The following SI variants were observed in gnomAD, a reference collection of about 807,000 sequenced individuals.
SI encodes the protein sucrase-isomaltase.
In SI, 235 loss-of-function variants were observed where a neutral mutation model predicts 253.3. The observed-to-expected ratio is 0.93, with a 90% CI of 0.83 to 1.03. The LOEUF (loss-of-function observed/expected upper bound fraction) is 1.03. SI is among the 50% of genes least tolerant of loss of function. The pLI, the probability that SI is intolerant of heterozygous loss-of-function variation, is 0.00. For synonymous variants in SI, 819 were observed against 712.0 expected (o/e 1.15, Z -2.39); for missense variants, 2,442 against 2,211.1 (o/e 1.10, Z -2.09).
intron 33 of SI, 28 bp from the exon 34 acceptor site, chr3:165,013,070 G>A: frequency 2.1e-6 from 3 of 1,433,824 alleles, no homozygotes; most frequent in Non-Finnish European, 2.0e-6. Flanking sequence ...TGGAAAAGCT[G>A]ATCAAAACAT....
Position 164,994,351 on chromosome 3 carries a change from G to T in SI, c.4747C>A (p.Leu1583Ile). 2 of 1,610,884 alleles carry T rather than the reference G, an allele frequency of 1.2e-6. No homozygotes were observed. The highest frequency in any genetic ancestry group is 1.7e-6 in the Non-Finnish European group (2 of 1,177,700). ...GGCAATAAGGTGTATCTAATATTTAGAATATTCCTTGACATTTCAGCAAAA... is the reference window on the plus strand; with the variant it reads ...GGCAATAAGGTGTATCTAATATTTATAATATTCCTTGACATTTCAGCAAAA... ...ETFAEMSRNI[L>I]NIRYTLLPYF... Residue 1583 changes from leucine to isoleucine, a missense_variant, in exon 41 of 48, where the codon CTA becomes ATA. Transcript: ENST00000264382.
chr3:165,027,258 A>T (rs1330726853), intron 25 of SI, among the ~76,000 whole-genome samples: 3 of 151,230 alleles, frequency 2.0e-5, no homozygotes, highest in African/African-American at 7.3e-5. Context: ...TTAAATCGGG[A>T]AGAATTAGAT....
At chr3:165,029,613 T>A (rs1159772085) in intron 25 of SI, among the ~76,000 whole-genome samples, 1 of 145,638 alleles carries the variant, frequency 6.9e-6, no homozygotes, top group Non-Finnish European at 1.5e-5. Flanking sequence ...TATATATGTA[T>A]ATATATGTAA....
At chr3:165,035,661 G>A (rs922449715) in intron 22 of SI, among the ~76,000 whole-genome samples, 2 of 151,340 alleles carry the variant, frequency 1.3e-5, no homozygotes, top group African/African-American at 4.8e-5. Context: ...CACCTGAGAA[G>A]TAGTTAATTA....
intron 15 of SI, among the ~76,000 whole-genome samples, chr3:165,048,807 G>T (rs996286272): frequency 6.6e-6 from 1 of 151,806 alleles, no homozygotes; most frequent in Non-Finnish European, 1.5e-5. Context: ...AATAGAGACT[G>T]GGTTTCGCCA....
At chr3:165,040,069 T>C (rs911283039) in intron 18 of SI, 98 bp from the exon 19 acceptor site, 2 of 918,486 alleles carry the variant, frequency 2.2e-6, no homozygotes, top group African/African-American at 3.3e-5. Context: ...CTGGGAATTG[T>C]TGTTATCTTG....
At chr3:165,059,783 G>A in intron 10 of SI, 119 bp downstream of exon 10, 2 of 1,029,188 alleles carry the variant, frequency 1.9e-6, no homozygotes, top group Non-Finnish European at 1.5e-6. Flanking sequence ...TTAAAAGGCA[G>A]CCTCTTAATT....
intron 21 of SI, 58 bp from the exon 22 acceptor site, chr3:165,036,535 T>C: frequency 8.2e-7 from 1 of 1,214,184 alleles, no homozygotes; most frequent in Non-Finnish European, 1.2e-6. Flanking sequence ...TAATACAATA[T>C]CCTATAAACA....
At position 164,998,552 on chromosome 3, in the gene SI, T is replaced by C; in HGVS notation, c.4528A>G (p.Lys1510Glu). 1 of 1,612,100 alleles carries C rather than the reference T, an allele frequency of 6.2e-7. No individual in the cohort carries two copies. The highest frequency in any genetic ancestry group is 1.1e-5 in the South Asian group (1 of 91,056). Residue 1510 changes from lysine (K) to glutamate (E), a missense_variant, in exon 38 of 48, where the codon AAA becomes GAA. Transcript: ENST00000264382. ...GACTTTCACTTACCAATGATTGATT[T>C]GTCCATGTTGTCCCATCGTGCATAG... The part of the protein sequence containing the change: ...DNYARWDNMD[K>E]SIIGMMEFSL...
chr3:165,029,180 T>C (rs1046934633), intron 25 of SI, among the ~76,000 whole-genome samples: 1 of 150,776 alleles, frequency 6.6e-6, no homozygotes, highest in Non-Finnish European at 1.5e-5. Flanking sequence ...TATGAAAAAA[T>C]GATCAGCATC....
chr3:165,036,404 C>T lies in SI; in HGVS notation c.2500G>A (p.Asp834Asn). 1 of 1,609,482 alleles carries T rather than the reference C, an allele frequency of 6.2e-7. No homozygotes were observed. The highest frequency in any genetic ancestry group is 1.1e-5 in the South Asian group (1 of 91,020). Residue 834 changes from aspartate to asparagine, a missense_variant, in exon 22 of 48, where the codon GAT becomes AAT. Asp to Asn is a conservative substitution (Grantham distance 23). Transcript: ENST00000264382. ...NTAKGDFFWD[D>N]GETKDTIQNG... ...TCAGACTTACCTTTAGTTTCTCCAT[C>T]ATCCCAGAAAAAGTCTCCTTTGGCT...
chr3:165,032,660 TG>T lies in SI; in HGVS notation c.2597del (p.Ser866TyrfsTer8). On this transcript the variant is annotated frameshift_variant, in exon 24 of 48. Coordinates refer to ENST00000264382, the MANE Select transcript of SI (RefSeq NM_001041.4). LOFTEE classifies it high-confidence loss of function. Reference protein sequence around the residue: ...NTLDIVCTHSSYQEGTTLAFQ... With the variant: ...NTLDIVCTHSXYQEGTTLAFQ... ...ATGCTAAGGTAGTTCCTTCCTGATA[TG>T]ATGAATGTGTGCACACAATATCTAA... 6.2e-7 allele frequency: 1 copy of T among 1,606,772 alleles called. No individual in the cohort carries two copies. Among genetic ancestry groups the T allele is most frequent in the Non-Finnish European group, 8.5e-7 (1 of 1,174,742 alleles).
chr3:165,076,496 TCA>T (rs1249222197), intron 1 of SI, among the ~76,000 whole-genome samples: 1 of 151,718 alleles, frequency 6.6e-6, no homozygotes, highest in East Asian at 1.9e-4. Context: ...GTTAAAAACT[TCA>T]GTTTTTTTCT....
intron 25 of SI, among the ~76,000 whole-genome samples, chr3:165,029,270 T>TA (rs547091514): frequency 0.014 from 2,046 of 143,742 alleles, 16 homozygotes; most frequent in South Asian, 0.031. Flanking sequence ...AATCAAAAAA[T>TA]AAAAAAAAAA....
At chr3:165,007,001 A>T in intron 36 of SI, 47 bp from the exon 37 acceptor site, 1 of 1,314,336 alleles carries the variant, frequency 7.6e-7, no homozygotes, top group South Asian at 1.3e-5. Flanking sequence ...ACAGTGCCCT[A>T]CAATGAAACG....
At chr3:164,999,039 T>G (rs576146626) in intron 37 of SI, among the ~76,000 whole-genome samples, 2 of 151,996 alleles carry the variant, frequency 1.3e-5, no homozygotes, top group South Asian at 4.1e-4. Context: ...TAACTATTCA[T>G]TGCCCCAACG....
At chr3:165,049,366 C>G in intron 14 of SI, 122 bp from the exon 15 acceptor site, 2 of 693,720 alleles carry the variant, frequency 2.9e-6, no homozygotes, top group South Asian at 3.5e-5. Context: ...TGGTTAAAAA[C>G]AATGACAAAG....
At chr3:165,080,513 C>T (rs1417895551), upstream of SI, among the ~76,000 whole-genome samples, 1 of 151,930 alleles carries the variant, frequency 6.6e-6, no homozygotes, top group Non-Finnish European at 1.5e-5. Context: ...AAATGTCCAT[C>T]AATGATAGAC....
intron 44 of SI, among the ~76,000 whole-genome samples, chr3:164,989,085 T>TA (rs995734079): frequency 9.8e-5 from 14 of 142,458 alleles, no homozygotes; most frequent in East Asian, 2.0e-4. Flanking sequence ...TAAAGTATAA[T>TA]AATAATAAAT....
Sources: allele counts gnomAD v4.1 joint callset (sites outside exome capture counted in the v4.1 genomes callset), GRCh38; gene constraint gnomAD v4.1.1; transcripts MANE v1.5; gene names NCBI Gene and HGNC (gene_info 2026-07-23, HGNC 2026-07-21).